ABCA1: variants seen among roughly 807,000 people sequenced by gnomAD.
ABCA1 encodes the protein phospholipid-transporting ATPase ABCA1.
ABCA1 carries 133 observed loss-of-function variants against 262.5 expected under a neutral mutation model. The ratio of observed to expected loss-of-function variants is 0.51; its 90% CI spans 0.44 to 0.59. ABCA1 has a LOEUF of 0.59. ABCA1 is among the 20% of genes least tolerant of loss of function. The pLI is 0.00. For synonymous variants in ABCA1, 1,022 were observed against 1,043.5 expected (o/e 0.98, Z 0.40); for missense variants, 2,452 against 2,777.5 (o/e 0.88, Z 2.63).
rs561399340 is a variant in ABCA1 at position 104,867,912 on chromosome 9, T to C, written c.422-6112A>G. Among the ~76,000 whole-genome samples the C allele has an allele frequency of 2.4e-3, 361 of 152,300 alleles. 1 individual carries two copies. The highest frequency in any genetic ancestry group is 4.0e-3 in the Non-Finnish European group (272 of 68,024). On this transcript the variant is annotated intron_variant, in intron 5 of 49. Coordinates refer to ENST00000374736, the MANE Select transcript of ABCA1 (RefSeq NM_005502.4). Reference sequence around the variant, plus strand: ...AGTAAAATGTGTGGGTTGGAGAAGATGATCTCTGAGGTCTTCTTACCTGAC... The same window carrying C: ...AGTAAAATGTGTGGGTTGGAGAAGACGATCTCTGAGGTCTTCTTACCTGAC...
At chr9:104,790,500 C>G (rs1448610215) in intron 44 of ABCA1, among the ~76,000 whole-genome samples, 1 of 152,124 alleles carries the variant, frequency 6.6e-6, no homozygotes, top group East Asian at 1.9e-4. Flanking sequence ...ACAATAAAAA[C>G]TAATTTTAAA....
intron 1 of ABCA1, among the ~76,000 whole-genome samples, chr9:104,911,189 T>C (rs1248668653): frequency 6.6e-6 from 1 of 152,202 alleles, no homozygotes; most frequent in Non-Finnish European, 1.5e-5. Context: ...AATACATTGG[T>C]GCCAAAGCTC....
chr9:104,890,981 G>A (rs918541505), intron 2 of ABCA1, among the ~76,000 whole-genome samples: 4 of 151,854 alleles, frequency 2.6e-5, no homozygotes, highest in African/African-American at 9.7e-5. Flanking sequence ...ACAATATTGA[G>A]ACTATGCAGC....
chr9:104,858,610 ACTT>A lies in ABCA1; in HGVS notation c.629_631del (p.Glu210del). 2 of 1,614,192 alleles carry A rather than the reference ACTT, an allele frequency of 1.2e-6. No homozygotes were observed. Among genetic ancestry groups the A allele is most frequent in the Admixed American group, 3.3e-5 (2 of 60,026 alleles). ...CCTTGGTAGGCCACAAAGCTCAGAA[ACTT>A]CTTGGTCACCAAGTTGAATCATCTC... On this transcript the variant is annotated inframe_deletion, in exon 7 of 50. Transcript: ENST00000374736.
chr9:104,914,438 T>C (rs1841713240), intron 1 of ABCA1, among the ~76,000 whole-genome samples: 1 of 151,250 alleles, frequency 6.6e-6, no homozygotes, highest in South Asian at 2.1e-4. Context: ...AGGCAGAGGT[T>C]GCAGTGAGCC....
intron 2 of ABCA1, among the ~76,000 whole-genome samples, chr9:104,896,049 G>A (rs1588537230): frequency 6.6e-6 from 1 of 152,092 alleles, no homozygotes. Context: ...GAAACAAGAA[G>A]AATAAACATC....
chr9:104,844,389 G>A (rs947962942), intron 8 of ABCA1, among the ~76,000 whole-genome samples: 1 of 151,760 alleles, frequency 6.6e-6, no homozygotes, highest in Non-Finnish European at 1.5e-5. Context: ...GAACCCAAAA[G>A]TCAGACCTCA....
At chr9:104,846,153 GC>G (rs1181062461) in intron 7 of ABCA1, among the ~76,000 whole-genome samples, 3 of 152,162 alleles carry the variant, frequency 2.0e-5, no homozygotes, top group African/African-American at 7.2e-5. Context: ...TAACTGCACA[GC>G]AGATATAGGA....
At chr9:104,865,716 AG>A (rs942356817) in intron 5 of ABCA1, among the ~76,000 whole-genome samples, 1 of 152,140 alleles carries the variant, frequency 6.6e-6, no homozygotes, top group Non-Finnish European at 1.5e-5. Flanking sequence ...AATTAAGTGA[AG>A]GTAATAGTAT....
chr9:104,904,708 T>C (rs1840966832), intron 1 of ABCA1, among the ~76,000 whole-genome samples: 1 of 151,908 alleles, frequency 6.6e-6, no homozygotes, highest in Admixed American at 6.6e-5. Flanking sequence ...TAGCGCTGTG[T>C]CTCTGGAAAG....
intron 44 of ABCA1, among the ~76,000 whole-genome samples, chr9:104,789,280 C>A (rs992124230): frequency 1.3e-5 from 2 of 152,188 alleles, no homozygotes; most frequent in Non-Finnish European, 2.9e-5. Context: ...TACAACCAGT[C>A]CCTGTGACAA....
At chr9:104,792,986 A>G (rs1588209253) in intron 41 of ABCA1, 80 bp from the exon 42 acceptor site, 1 of 1,607,288 alleles carries the variant, frequency 6.2e-7, no homozygotes, top group Non-Finnish European at 8.5e-7. Context: ...TAGTATTATA[A>G]AACCTACTTG....
Position 104,858,509 on chromosome 9 carries a change from C to G in ABCA1, c.720+13G>C. The G allele has an allele frequency of 6.2e-7, 1 of 1,612,504 alleles. No homozygotes were observed. On this transcript the variant is annotated intron_variant, in intron 7 of 49. Transcript: ENST00000374736. ...TAGTGCTTGAAGTTTCTCCAGTGAG[C>G]AAGTCTACTCACCAGGATTGGCTTC...
At position 104,817,104 on chromosome 9, in the gene ABCA1, C is replaced by G. The variant is rs2118955798; in HGVS notation, c.3535+228G>C. The G allele has an allele frequency of 1.6e-6, 1 of 623,334 alleles. No individual in the cohort carries two copies. Among genetic ancestry groups the G allele is most frequent in the East Asian group, 1.4e-4 (1 of 7,142 alleles). 38.6% of individuals were successfully genotyped at this position (623,334 alleles called of 1,614,324 possible). A position where few individuals can be genotyped will look rare whatever the true frequency, so the allele number is the denominator to read the frequency against. ...TCCCCAAACCCCAATCATCTCAGCT[C>G]TCTGGGACACTGCCCTGCTAGCTCC... On this transcript the variant is annotated intron_variant, in intron 24 of 49. Transcript: ENST00000374736. This position sits in a 1 kb window ranked among gnomAD's most constrained non-coding sequence, Gnocchi z 4.7.
intron 36 of ABCA1, chr9:104,799,327 T>A: frequency 1.7e-6 from 1 of 587,384 alleles, no homozygotes; most frequent in Non-Finnish European, 2.2e-6. Flanking sequence ...AGAGACCAGA[T>A]TCAAACCCAG....
chr9:104,841,586 G>A lies in ABCA1; in HGVS notation c.814-1067C>T, dbSNP rs78042035. 5.2e-3 allele frequency among the ~76,000 whole-genome samples: 798 copies of A among 152,258 alleles called. 20 individuals are homozygous for A. The highest frequency in any genetic ancestry group is 0.017 in the East Asian group (89 of 5,188). ...CACGGAGCTCGCTGAGACACAACTT[G>A]GCTTGGTTTTGGTAACCCTGGGGGG... On this transcript the variant is annotated intron_variant, in intron 8 of 49. Coordinates refer to ENST00000374736, the MANE Select transcript of ABCA1 (RefSeq NM_005502.4).
chr9:104,921,220 T>A (rs1842125255), intron 1 of ABCA1, among the ~76,000 whole-genome samples: 2 of 152,226 alleles, frequency 1.3e-5, no homozygotes, highest in South Asian at 4.1e-4. Context: ...ATATCTGGAC[T>A]TTAAGACTAA....
intron 7 of ABCA1, 91 bp from the exon 8 acceptor site, chr9:104,845,660 A>G (rs1834805402): frequency 3.3e-6 from 3 of 903,104 alleles, no homozygotes; most frequent in South Asian, 2.8e-5. Flanking sequence ...ACTGTTCACA[A>G]TCTTGAGTTT....
At chr9:104,821,323 GACACAC>G in intron 20 of ABCA1, 46 bp downstream of exon 20, 1 of 1,604,366 alleles carries the variant, frequency 6.2e-7, no homozygotes, top group Non-Finnish European at 8.5e-7. Context: ...ATGATGGCAT[GACACAC>G]ACACATCCAG....
Sources: allele counts gnomAD v4.1 joint callset (sites outside exome capture counted in the v4.1 genomes callset), GRCh38; gene constraint gnomAD v4.1.1; non-coding constraint Gnocchi (gnomAD v3.1); transcripts MANE v1.5; gene names NCBI Gene and HGNC (gene_info 2026-07-23, HGNC 2026-07-21).